The following ABCG2 variants were observed in gnomAD, a reference collection of about 807,000 sequenced individuals.
The protein encoded by ABCG2 is broad substrate specificity ATP-binding cassette transporter ABCG2.
In ABCG2, 80 loss-of-function variants were observed where a neutral mutation model predicts 73.5. The ratio of observed to expected loss-of-function variants is 1.09; its 90% confidence interval spans 0.91 to 1.31. The LOEUF is 1.31. ABCG2 is among the 50% of genes most tolerant of loss of function. The probability of loss-of-function intolerance (pLI) is 0.00; values close to 1 mark genes in which losing one functional copy is unlikely to be tolerated. For synonymous variants in ABCG2, 269 were observed against 282.4 expected (o/e 0.95, Z 0.48); for missense variants, 796 against 786.2 (o/e 1.01, Z -0.15).
At chr4:88,215,725 C>A (rs1203162974) in intron 1 of ABCG2, among the ~76,000 whole-genome samples, 1 of 152,220 alleles carries the variant, frequency 6.6e-6, no homozygotes, top group Non-Finnish European at 1.5e-5. Context: ...CTGCTTTGAT[C>A]TGCTGTGCCC....
chr4:88,176,885 T>C (rs1240307820), intron 1 of ABCG2, among the ~76,000 whole-genome samples: 1 of 152,092 alleles, frequency 6.6e-6, no homozygotes, highest in Non-Finnish European at 1.5e-5. Context: ...GAAGTGATAG[T>C]ATTTCTCTAT....
chr4:88,194,507 G>GCA (rs1728853298), intron 1 of ABCG2, among the ~76,000 whole-genome samples: 2 of 135,158 alleles, frequency 1.5e-5, no homozygotes, highest in Non-Finnish European at 3.1e-5. Flanking sequence ...CCGAGATCTG[G>GCA]CCACTGCACT....
rs1038905778 is a variant in ABCG2, at chr4:88,122,168, G to A, written c.532-376C>T. Among the ~76,000 whole-genome samples the A allele has an allele frequency of 1.8e-4, 27 of 152,090 alleles. No individual in the cohort carries two copies. The East Asian group carries it at 2.3e-3, about 13-fold the overall frequency. On this transcript the variant is annotated intron_variant, in intron 5 of 15. Coordinates refer to ENST00000237612, the MANE Select transcript of ABCG2 (RefSeq NM_004827.3). ...ACTTTTCCCATGGTATTCACAACCCGCAGACCAGGAGATTCCCGCAGGTGC... is the reference window on the plus strand; with the variant it reads ...ACTTTTCCCATGGTATTCACAACCCACAGACCAGGAGATTCCCGCAGGTGC...
chr4:88,094,667 A>G lies in ABCG2; in HGVS notation c.1738-8T>C, dbSNP rs576614314. 5.0e-5 allele frequency: 80 copies of G among 1,610,006 alleles called. No homozygotes were observed. The South Asian group carries it at 7.9e-4, about 16-fold the overall frequency. ...TTCATTATGCTGCAAAGCCTATAAC[A>G]CAAGTGGGAGCAGGGCAAGGTAAAC... On this transcript the variant is annotated splice_region_variant and splice_polypyrimidine_tract_variant and intron_variant, in intron 14 of 15. Transcript: ENST00000237612.
rs551683010 is a variant in ABCG2 at position 88,091,625 on chromosome 4, C to T, written c.*609G>A. On this transcript the variant is annotated 3_prime_UTR_variant, in exon 16 of 16. Coordinates refer to ENST00000237612, the MANE Select transcript of ABCG2 (RefSeq NM_004827.3). ...CTGGACTCCTGGCCCTCTACTCTAC[C>T]CACAGTTCCAAACCCTCAGCCAAGA... 1 of 152,310 alleles carries T rather than the reference C, an allele frequency of 6.6e-6. No individual in the cohort carries two copies. The highest frequency in any genetic ancestry group is 1.9e-4 in the East Asian group (1 of 5,188). The allele number at this position is 152,310 out of a possible 1,614,324, so 9.4% of individuals were successfully genotyped here.
chr4:88,229,703 C>T lies in ABCG2; in HGVS notation c.-20+1291G>A, dbSNP rs534718594. On this transcript the variant is annotated intron_variant, in intron 1 of 15. Coordinates refer to the ABCG2 transcript ENST00000515655. Reference sequence around the variant, plus strand: ...TTTTTTCCCATTGCTTTCTTCTCCCCTCAACTGGGGACACAATAGGTATAT... The same window carrying T: ...TTTTTTCCCATTGCTTTCTTCTCCCTTCAACTGGGGACACAATAGGTATAT... Among the ~76,000 whole-genome samples the T allele has an allele frequency of 2.0e-5, 3 of 152,210 alleles. No individual in the cohort carries two copies. The South Asian group carries it at 6.2e-4, about 32-fold the overall frequency.
At chr4:88,099,071 G>A (rs1722196090) in intron 12 of ABCG2, among the ~76,000 whole-genome samples, 1 of 152,152 alleles carries the variant, frequency 6.6e-6, no homozygotes, top group Non-Finnish European at 1.5e-5. Flanking sequence ...TCCAGCCTGG[G>A]TGACAGAGCA....
chr4:88,126,319 C>A (rs1041926161), intron 5 of ABCG2, among the ~76,000 whole-genome samples: 4 of 152,118 alleles, frequency 2.6e-5, no homozygotes, highest in African/African-American at 7.2e-5. Flanking sequence ...CAGGACCAGA[C>A]AGATTCACAG....
chr4:88,184,052 A>G (rs1728358070), intron 1 of ABCG2, among the ~76,000 whole-genome samples: 1 of 152,196 alleles, frequency 6.6e-6, no homozygotes, highest in South Asian at 2.1e-4. Flanking sequence ...TATAGAAAGA[A>G]TATTCCTCAA....
chr4:88,101,021 G>T (rs1722369641), intron 11 of ABCG2, among the ~76,000 whole-genome samples: 1 of 152,110 alleles, frequency 6.6e-6, no homozygotes, highest in Non-Finnish European at 1.5e-5. Flanking sequence ...TTTTCTCAAT[G>T]AATATTGGTA....
At chr4:88,115,132 G>A in intron 7 of ABCG2, 74 bp from the exon 8 acceptor site, 1 of 1,013,956 alleles carries the variant, frequency 9.9e-7, no homozygotes, top group South Asian at 1.4e-5. Flanking sequence ...TTCAGAGGGT[G>A]AGGGAGGTAA....
intron 7 of ABCG2, 93 bp downstream of exon 7, chr4:88,118,016 C>T: frequency 2.3e-6 from 3 of 1,283,712 alleles, no homozygotes; most frequent in South Asian, 1.6e-5. Flanking sequence ...GTATGTCTAC[C>T]CAAAGACCAA....
intron 1 of ABCG2, among the ~76,000 whole-genome samples, chr4:88,166,860 A>G (rs1727542555): frequency 6.6e-6 from 1 of 152,176 alleles, no homozygotes; most frequent in Non-Finnish European, 1.5e-5. Context: ...TGCAGATGGC[A>G]AAAGTTGAAA....
intron 1 of ABCG2, among the ~76,000 whole-genome samples, chr4:88,154,558 T>C (rs1280750381): frequency 3.3e-5 from 5 of 152,136 alleles, no homozygotes; most frequent in Non-Finnish European, 7.3e-5. Context: ...GAGTGGCAAT[T>C]AGGACTGGTG....
At chr4:88,124,563 G>A (rs1724254312) in intron 5 of ABCG2, among the ~76,000 whole-genome samples, 1 of 152,160 alleles carries the variant, frequency 6.6e-6, no homozygotes, top group Non-Finnish European at 1.5e-5. Flanking sequence ...AAAAGAGAAA[G>A]AAGAGTATTA....
At chr4:88,147,350 T>C (rs1345367228) in intron 1 of ABCG2, among the ~76,000 whole-genome samples, 5 of 152,220 alleles carry the variant, frequency 3.3e-5, no homozygotes, top group Admixed American at 6.5e-5. Context: ...ATAACAGCTT[T>C]AACAATTCAG....
intron 7 of ABCG2, 37 bp from the exon 8 acceptor site, chr4:88,115,095 G>C (rs780397619): frequency 6.9e-7 from 1 of 1,445,874 alleles, no homozygotes; most frequent in Non-Finnish European, 9.7e-7. Flanking sequence ...CAAACTTGAT[G>C]GTCTTGGAAA....
intron 1 of ABCG2, among the ~76,000 whole-genome samples, chr4:88,186,376 CTG>C (rs1728455274): frequency 6.6e-6 from 1 of 152,196 alleles, no homozygotes; most frequent in Non-Finnish European, 1.5e-5. Flanking sequence ...TGGCTTATGT[CTG>C]TAACTCCCAA....
At chr4:88,178,364 T>C (rs1280592107) in intron 1 of ABCG2, among the ~76,000 whole-genome samples, 1 of 152,160 alleles carries the variant, frequency 6.6e-6, no homozygotes, top group Non-Finnish European at 1.5e-5. Flanking sequence ...GCAGGATTTA[T>C]CACCTGCTGA....
Sources: allele counts gnomAD v4.1 joint callset (sites outside exome capture counted in the v4.1 genomes callset), GRCh38; gene constraint gnomAD v4.1.1; transcripts MANE v1.5; gene names NCBI Gene and HGNC (gene_info 2026-07-23, HGNC 2026-07-21).